Variants in DPH6 observed in about 807,000 individuals in gnomAD.
DPH6 encodes the protein diphthamine biosynthesis 6.
Under a neutral mutation model 38.2 loss-of-function variants are expected in DPH6, and 33 were observed. The observed-to-expected ratio is 0.86, with a 90% CI of 0.65 to 1.15. DPH6 has a LOEUF of 1.15. Ranked by LOEUF, DPH6 falls within the 50% of genes most tolerant of loss-of-function variation. The probability of loss-of-function intolerance (pLI) is 0.00; values close to 1 mark genes in which losing one functional copy is unlikely to be tolerated. For synonymous variants in DPH6, 108 were observed against 103.0 expected (o/e 1.05, Z -0.30); for missense variants, 325 against 320.0 (o/e 1.02, Z -0.12).
At chr15:35,208,481 C>T in the DPH6 span, among the ~76,000 whole-genome samples, 1 of 152,146 alleles carries the variant, frequency 6.6e-6, no homozygotes, top group African/African-American at 2.4e-5. Flanking sequence ...CACCTGTTAC[C>T]AGGTGCAGCA....
intron 3 of DPH6, among the ~76,000 whole-genome samples, chr15:35,312,771 G>C (rs1187294208): frequency 1.3e-5 from 2 of 152,174 alleles, no homozygotes; most frequent in African/African-American, 4.8e-5. Context: ...ATTCATTGGA[G>C]AGACTGTCCT....
intron 3 of DPH6, among the ~76,000 whole-genome samples, chr15:35,260,924 T>C (rs1309098779): frequency 1.3e-5 from 2 of 152,244 alleles, no homozygotes; most frequent in African/African-American, 2.4e-5. Flanking sequence ...TAATTTTTCT[T>C]GAAGAACTCT....
At chr15:35,484,231 T>C (rs2054366309) in intron 3 of DPH6, among the ~76,000 whole-genome samples, 1 of 152,228 alleles carries the variant, frequency 6.6e-6, no homozygotes, top group Admixed American at 6.5e-5. Flanking sequence ...TTTAGCAATA[T>C]ATTGATAATT....
At chr15:35,391,622 G>A (rs1261622631) in intron 6 of DPH6, among the ~76,000 whole-genome samples, 1 of 152,192 alleles carries the variant, frequency 6.6e-6, no homozygotes, top group Non-Finnish European at 1.5e-5. Context: ...AGGCTCCGTG[G>A]GCGTAGGACC....
chr15:35,261,936 C>CA (rs2051749728), intron 3 of DPH6, among the ~76,000 whole-genome samples: 1 of 152,042 alleles, frequency 6.6e-6, no homozygotes, highest in African/African-American at 2.4e-5. Context: ...CCTGAAGCTA[C>CA]AGTAGTAAAG....
intron 5 of DPH6, among the ~76,000 whole-genome samples, chr15:35,422,023 G>C (rs1253269160): frequency 6.6e-6 from 1 of 151,952 alleles, no homozygotes; most frequent in African/African-American, 2.4e-5. Flanking sequence ...AATTGGATGT[G>C]GGGAATACAG....
rs752473433 is a variant in DPH6, at chr15:35,397,868, T to TATATACACAC, written c.567+12966_567+12967insGTGTGTATAT. ...AATAGATGGAATCAATTTATATATA[T>TATATACACAC]ACACACACACACACACACACACACA... On this transcript the variant is annotated intron_variant, in intron 6 of 8. Coordinates refer to ENST00000256538, the MANE Select transcript of DPH6 (RefSeq NM_080650.4). Among the ~76,000 whole-genome samples, 739 of 87,234 alleles carry TATATACACAC rather than the reference T, an allele frequency of 8.5e-3. 3 individuals carry two copies. Among genetic ancestry groups the TATATACACAC allele is most frequent in the Non-Finnish European group, 0.012 (487 of 41,802 alleles). 57.2% of individuals were successfully genotyped at this position (87,234 alleles called of 152,430 possible). A position where few individuals can be genotyped will look rare whatever the true frequency, so the allele number is the denominator to read the frequency against.
At chr15:35,237,754 A>G (rs564256921) in intron 3 of DPH6, 19 of 1,612,558 alleles carry the variant, frequency 1.2e-5, no homozygotes, top group African/African-American at 5.3e-5. Flanking sequence ...TGCAACTCAC[A>G]TATCTTGACG....
intron 3 of DPH6, chr15:35,283,068 TTCC>T (rs887345554): frequency 4.1e-5 from 7 of 170,736 alleles, no homozygotes; most frequent in Admixed American, 2.5e-4. Context: ...CTTCTTCTTC[TTCC>T]TCTTCTTCTT....
At chr15:35,537,181 T>G (rs892317680) in intron 3 of DPH6, among the ~76,000 whole-genome samples, 1 of 152,174 alleles carries the variant, frequency 6.6e-6, no homozygotes, top group Admixed American at 6.5e-5. Flanking sequence ...ACTCAAAGTA[T>G]GTCATTTAAG....
At chr15:35,386,697 T>C (rs1420756542) in intron 6 of DPH6, among the ~76,000 whole-genome samples, 1 of 152,232 alleles carries the variant, frequency 6.6e-6, no homozygotes, top group Non-Finnish European at 1.5e-5. Flanking sequence ...GAGTTGTTTT[T>C]TTCTTGTAAA....
chr15:35,241,697 C>T (rs184221209), intron 3 of DPH6, among the ~76,000 whole-genome samples: 5,215 of 141,842 alleles, frequency 0.037, 785 homozygotes, highest in African/African-American at 0.13. Context: ...CCCTCCTTGT[C>T]GACCGATCAT....
At position 35,535,553 on chromosome 15, in the gene DPH6, G is replaced by A. The variant is rs1415726442; in HGVS notation, c.312+2721C>T. 3.9e-5 allele frequency among the ~76,000 whole-genome samples: 6 copies of A among 152,080 alleles called. No individual in the cohort carries two copies. The East Asian group carries it at 9.6e-4, about 24-fold the overall frequency. On this transcript the variant is annotated intron_variant, in intron 3 of 8. Coordinates refer to ENST00000256538, the MANE Select transcript of DPH6 (RefSeq NM_080650.4). ...TCCTATAGAGATATAGTGCTTATAT[G>A]TATCTTTCTGTAACTATTACACTGC...
intron 3 of DPH6, among the ~76,000 whole-genome samples, chr15:35,261,110 C>T (rs936860057): frequency 9.7e-4 from 148 of 152,152 alleles, no homozygotes; most frequent in African/African-American, 3.4e-3. Context: ...TCCTTCTTGC[C>T]CCATTTCTTT....
chr15:35,464,022 G>A (rs767593462), intron 3 of DPH6, among the ~76,000 whole-genome samples: 12 of 152,162 alleles, frequency 7.9e-5, no homozygotes, highest in East Asian at 3.8e-4. Flanking sequence ...ATGGCTGGGC[G>A]TGGTGGCTCA....
At chr15:35,161,356 A>C in the DPH6 span, among the ~76,000 whole-genome samples, 1 of 151,842 alleles carries the variant, frequency 6.6e-6, no homozygotes. Flanking sequence ...CTTTATGAGA[A>C]GCCTTCCAGA....
chr15:35,538,868 A>AC, intron 2 of DPH6, among the ~76,000 whole-genome samples: 1 of 152,262 alleles, frequency 6.6e-6, no homozygotes, highest in Non-Finnish European at 1.5e-5. Flanking sequence ...TGTAGAAAAA[A>AC]AAACCTTTCT....
At chr15:35,522,378 G>A in intron 3 of DPH6, 2 of 1,212,402 alleles carry the variant, frequency 1.6e-6, no homozygotes, top group South Asian at 3.1e-5. Context: ...CAGTCAGGCT[G>A]TCTCTGCTTA....
intron 3 of DPH6, among the ~76,000 whole-genome samples, chr15:35,511,549 A>G (rs1373528427): frequency 6.6e-6 from 1 of 152,176 alleles, no homozygotes; most frequent in African/African-American, 2.4e-5. Context: ...TTATAGCTGA[A>G]AAGTAGAAGA....
Sources: gnomAD v4.1 joint callset for allele counts (sites outside exome capture counted in the v4.1 genomes callset) on GRCh38, gnomAD v4.1.1 for gene constraint, MANE v1.5 for transcripts, NCBI Gene and HGNC (gene_info 2026-07-23, HGNC 2026-07-21) for gene names.